Variants in STIM2 observed in about 807,000 individuals in gnomAD.
STIM2 encodes stromal interaction molecule 2.
Under a neutral mutation model 85.8 loss-of-function variants are expected in STIM2, and 31 were observed. That is an observed-to-expected ratio of 0.36 (90% confidence interval 0.27 to 0.49). The LOEUF is 0.49. Ranked by LOEUF, STIM2 falls within the 20% of genes least tolerant of loss-of-function variation. The pLI is 0.98. For missense variants in STIM2, 841 were observed against 927.6 expected, an observed-to-expected ratio of 0.91 and a Z score of 1.21; for synonymous variants, 356 against 331.1, an observed-to-expected ratio of 1.08 and a Z score of -0.82.
At chr4:26,869,180 C>T (rs1722514028) in intron 1 of STIM2, among the ~76,000 whole-genome samples, 1 of 151,844 alleles carries the variant, frequency 6.6e-6, no homozygotes, top group Admixed American at 6.6e-5. Context: ...GCCTGTATTC[C>T]TGGCTACTCA....
intron 3 of STIM2, among the ~76,000 whole-genome samples, chr4:26,959,170 A>AGAC (rs1726358996): frequency 6.6e-6 from 1 of 152,182 alleles, no homozygotes; most frequent in South Asian, 2.1e-4. Flanking sequence ...ATCTTTACAA[A>AGAC]GACCCGTAAG....
intron 1 of STIM2, among the ~76,000 whole-genome samples, chr4:26,889,276 C>CT (rs1027942783): frequency 5.3e-5 from 8 of 152,170 alleles, no homozygotes; most frequent in African/African-American, 1.9e-4. Context: ...GACAACGTAA[C>CT]TGAGTCTTCA....
chr4:26,897,370 A>G (rs1277316989), intron 1 of STIM2, among the ~76,000 whole-genome samples: 1 of 152,170 alleles, frequency 6.6e-6, no homozygotes, highest in Non-Finnish European at 1.5e-5. Flanking sequence ...AATTTCCCTA[A>G]TGGCCAGCAG....
intron 1 of STIM2, among the ~76,000 whole-genome samples, chr4:26,908,074 A>G (rs1461068887): frequency 6.6e-6 from 1 of 152,154 alleles, no homozygotes; most frequent in Non-Finnish European, 1.5e-5. Flanking sequence ...TTCTAAGATA[A>G]TTGTTCAAAA....
rs10028164 is a variant in STIM2 at position 27,002,389 on chromosome 4, G to A, written c.798G>A (p.Gln266=). ...CAGAGCAAAGTCTAATGGACTTACAGGAGAGGTAAGTTCAGAAAAATCATA... is the reference window on the plus strand; with the variant it reads ...CAGAGCAAAGTCTAATGGACTTACAAGAGAGGTAAGTTCAGAAAAATCATA... The change falls in exon 6 of 12, where the codon CAG becomes CAA. Residue 266 remains glutamine, a synonymous_variant. Coordinates refer to ENST00000467087, the MANE Select transcript of STIM2 (RefSeq NM_020860.4). The A allele has an allele frequency of 0.99, 1,579,012 of 1,596,986 alleles. 780,766 individuals are homozygous for A. The highest frequency in any genetic ancestry group is 1 in the East Asian group (44,694 of 44,694).
chr4:26,968,641 C>T (rs1203282017), intron 3 of STIM2, among the ~76,000 whole-genome samples: 1 of 152,120 alleles, frequency 6.6e-6, no homozygotes, highest in Non-Finnish European at 1.5e-5. Context: ...CTTCATACCA[C>T]TGAATTGTAT....
chr4:26,862,894 C>T (rs887465076), intron 1 of STIM2, among the ~76,000 whole-genome samples: 8 of 152,104 alleles, frequency 5.3e-5, no homozygotes, highest in Non-Finnish European at 1.2e-4. Context: ...GATTTAATGC[C>T]TCATGCAGGA....
chr4:27,017,579 C>T, intron 10 of STIM2, 132 bp from the exon 11 acceptor site: 1 of 1,122,868 alleles, frequency 8.9e-7, no homozygotes, highest in Non-Finnish European at 1.3e-6. Context: ...AATAACTGTA[C>T]AGTAACTTCA....
chr4:26,974,127 T>A (rs952013086), intron 3 of STIM2, among the ~76,000 whole-genome samples: 1 of 152,172 alleles, frequency 6.6e-6, no homozygotes, highest in Admixed American at 6.5e-5. Flanking sequence ...CCTATGTAAG[T>A]CTTTGCGCGT....
At chr4:26,948,147 T>C (rs1725913643) in intron 2 of STIM2, among the ~76,000 whole-genome samples, 1 of 152,236 alleles carries the variant, frequency 6.6e-6, no homozygotes, top group South Asian at 2.1e-4. Context: ...CTCTCTCAGC[T>C]TTGCTTTCTT....
intron 7 of STIM2, among the ~76,000 whole-genome samples, chr4:27,007,063 G>A (rs1037789010): frequency 6.6e-6 from 1 of 152,178 alleles, no homozygotes; most frequent in Non-Finnish European, 1.5e-5. Context: ...ACATTAGGAG[G>A]AGGAGTAGAA....
At chr4:26,899,467 A>G (rs1269051115) in intron 1 of STIM2, among the ~76,000 whole-genome samples, 1 of 152,138 alleles carries the variant, frequency 6.6e-6, no homozygotes, top group Admixed American at 6.6e-5. Context: ...AATCTCTGGA[A>G]GAGTTTGAGA....
At chr4:26,884,352 TAC>T (rs1224296689) in intron 1 of STIM2, among the ~76,000 whole-genome samples, 3 of 152,248 alleles carry the variant, frequency 2.0e-5, no homozygotes, top group Non-Finnish European at 2.9e-5. Flanking sequence ...AAATGTTTAG[TAC>T]AGTGTTTGCC....
chr4:26,861,624 A>C (rs1722201586), intron 1 of STIM2: 1 of 360,486 alleles, frequency 2.8e-6, no homozygotes, highest in Non-Finnish European at 4.6e-6. Context: ...CCGATCTTCC[A>C]AGCTGAGCAA....
chr4:26,892,521 A>AT (rs1053647393), intron 1 of STIM2, among the ~76,000 whole-genome samples: 3 of 151,966 alleles, frequency 2.0e-5, no homozygotes, highest in South Asian at 2.1e-4. Flanking sequence ...TAACATATGA[A>AT]TTTTTTTGGG....
chr4:27,016,755 G>A (rs1294309197), intron 10 of STIM2, among the ~76,000 whole-genome samples: 2 of 152,192 alleles, frequency 1.3e-5, no homozygotes, highest in African/African-American at 4.8e-5. Context: ...TGGGCCCAAA[G>A]CCTAACCTTA....
intron 1 of STIM2, among the ~76,000 whole-genome samples, chr4:26,916,901 C>T (rs1018196636): frequency 6.6e-5 from 10 of 152,160 alleles, no homozygotes; most frequent in African/African-American, 2.2e-4. Context: ...TCTTCCTTCT[C>T]ACAAAACTGT....
rs1000788381 is a variant in STIM2 at position 27,024,445 on chromosome 4, A to G, written c.*1449A>G. The stretch of plus-strand genomic sequence containing the variant: ...GCTTTTTCAGCATTATGGCTAAAAT[A>G]TATGTCTAACCCAGTGCTATTTAGG... On this transcript the variant is annotated 3_prime_UTR_variant, in exon 12 of 12. Coordinates refer to ENST00000467087, the MANE Select transcript of STIM2 (RefSeq NM_020860.4). The G allele has an allele frequency of 8.5e-5, 13 of 152,248 alleles. No homozygotes were observed. Among genetic ancestry groups the G allele is most frequent in the Non-Finnish European group, 1.5e-4 (10 of 68,040 alleles). 9.4% of individuals were successfully genotyped at this position (152,248 alleles called of 1,614,324 possible).
At chr4:26,890,292 C>T (rs534446977) in intron 1 of STIM2, among the ~76,000 whole-genome samples, 107 of 152,262 alleles carry the variant, frequency 7.0e-4, no homozygotes, top group South Asian at 5.0e-3. Context: ...GAATGGGGAC[C>T]GTGGGCATTT....
Sources: gnomAD v4.1 joint callset for allele counts (sites outside exome capture counted in the v4.1 genomes callset) on GRCh38, gnomAD v4.1.1 for gene constraint, MANE v1.5 for transcripts, NCBI Gene and HGNC (gene_info 2026-07-23, HGNC 2026-07-21) for gene names.